Variants in MCTP1 observed in about 807,000 individuals in gnomAD.
The protein encoded by MCTP1 is multiple C2 and transmembrane domain-containing protein 1.
A neutral mutation model predicts 120.6 loss-of-function variants in MCTP1; 69 were observed. The ratio of observed to expected loss-of-function variants is 0.57; its 90% CI spans 0.47 to 0.70. MCTP1 has a LOEUF of 0.70. MCTP1 is among the 30% of genes least tolerant of loss of function. The pLI is 0.00. For synonymous variants in MCTP1, 529 were observed against 493.1 expected (o/e 1.07, Z -0.96); for missense variants, 1,203 against 1,248.8 (o/e 0.96, Z 0.55).
intron 18 of MCTP1, chr5:94,792,910 A>G (rs1306383545): frequency 6.6e-6 from 1 of 152,238 alleles, no homozygotes; most frequent in Non-Finnish European, 1.5e-5. Context: ...ATCCACTTAA[A>G]CTGGAATTTC....
At chr5:95,043,183 AG>A in intron 1 of MCTP1, among the ~76,000 whole-genome samples, 1 of 152,208 alleles carries the variant, frequency 6.6e-6, no homozygotes, top group Non-Finnish European at 1.5e-5. Context: ...TCTTCCACAG[AG>A]GGTCACATTT....
chr5:95,208,834 A>G (rs1467960018), intron 1 of MCTP1, among the ~76,000 whole-genome samples: 1 of 152,182 alleles, frequency 6.6e-6, no homozygotes, highest in Non-Finnish European at 1.5e-5. Flanking sequence ...AAAGTCACCA[A>G]TGATCCATTA....
At chr5:95,125,143 C>T (rs1031596777) in intron 1 of MCTP1, among the ~76,000 whole-genome samples, 1 of 152,148 alleles carries the variant, frequency 6.6e-6, no homozygotes, top group Non-Finnish European at 1.5e-5. Flanking sequence ...GGGAGTAATA[C>T]CCATCAATTA....
chr5:94,854,634 G>C (rs1470493379), intron 17 of MCTP1, among the ~76,000 whole-genome samples: 1 of 151,724 alleles, frequency 6.6e-6, no homozygotes, highest in Non-Finnish European at 1.5e-5. Flanking sequence ...TGAGGGATGA[G>C]TTTCTCCAAT....
chr5:94,878,077 T>C (rs1400930653), intron 12 of MCTP1, among the ~76,000 whole-genome samples: 1 of 152,164 alleles, frequency 6.6e-6, no homozygotes, highest in East Asian at 1.9e-4. Flanking sequence ...TTTCATTTAA[T>C]TTTCTCAGTT....
At chr5:95,035,115 G>A (rs570162678) in intron 1 of MCTP1, among the ~76,000 whole-genome samples, 11 of 152,182 alleles carry the variant, frequency 7.2e-5, no homozygotes, top group Middle Eastern at 3.4e-3. Flanking sequence ...CTCATACACT[G>A]TTGGTGGGAA....
At chr5:95,026,220 A>T (rs1201141028) in intron 1 of MCTP1, among the ~76,000 whole-genome samples, 2 of 152,200 alleles carry the variant, frequency 1.3e-5, no homozygotes. Flanking sequence ...TTTGATACAG[A>T]CATGCAATGC....
intron 2 of MCTP1, among the ~76,000 whole-genome samples, chr5:94,964,448 A>G (rs1242200104): frequency 6.6e-6 from 1 of 152,108 alleles, no homozygotes; most frequent in Non-Finnish European, 1.5e-5. Context: ...AGAGTAGGGC[A>G]TTGAAGTCCC....
intron 1 of MCTP1, among the ~76,000 whole-genome samples, chr5:95,054,765 G>A (rs1419405680): frequency 6.6e-6 from 1 of 151,618 alleles, no homozygotes; most frequent in Non-Finnish European, 1.5e-5. Context: ...GACAAAAAGG[G>A]AAAAATATGA....
At chr5:95,121,093 G>T (rs540638708) in intron 1 of MCTP1, among the ~76,000 whole-genome samples, 2 of 151,588 alleles carry the variant, frequency 1.3e-5, no homozygotes, top group African/African-American at 2.4e-5. Context: ...CCTGGCTAAC[G>T]CAGTGAAACC....
In MCTP1 at chr5:95,125,352, C is replaced by A. The variant is rs551136483; in HGVS notation, c.721-107868G>T. On this transcript the variant is annotated intron_variant, in intron 1 of 22. Transcript: ENST00000515393. ...ATTATCTATTATAATGAGGACAGAG[C>A]AACAATATAATCACAATCTAATGTC... 3.6e-4 allele frequency among the ~76,000 whole-genome samples: 55 copies of A among 152,266 alleles called. No homozygotes were observed. In the South Asian group the frequency reaches 0.011, roughly 32 times the overall value.
intron 1 of MCTP1, among the ~76,000 whole-genome samples, chr5:95,021,949 C>A (rs2153676316): frequency 6.6e-6 from 1 of 152,146 alleles, no homozygotes; most frequent in South Asian, 2.1e-4. Flanking sequence ...AAAAGCACTG[C>A]TGAATTTTAT....
chr5:94,838,345 A>G lies in MCTP1; in HGVS notation c.2436+29988T>C, dbSNP rs1248698967. Among the ~76,000 whole-genome samples the G allele has an allele frequency of 2.6e-5, 4 of 152,362 alleles. No homozygotes were observed. In the East Asian group the frequency reaches 5.8e-4, roughly 22 times the overall value. On this transcript the variant is annotated intron_variant, in intron 17 of 22. Coordinates refer to ENST00000515393, the MANE Select transcript of MCTP1 (RefSeq NM_024717.7). Reference sequence around the variant, plus strand: ...GCTCTGCTTCATAGTGAATTGATACATAAGAGTTACTTGAAGTCAATTTAA... The same window carrying G: ...GCTCTGCTTCATAGTGAATTGATACGTAAGAGTTACTTGAAGTCAATTTAA...
chr5:94,819,896 A>G (rs1285579788), intron 17 of MCTP1, among the ~76,000 whole-genome samples: 2 of 152,222 alleles, frequency 1.3e-5, no homozygotes, highest in Non-Finnish European at 2.9e-5. Context: ...GATAAGTTGC[A>G]CGAAGTCCTC....
intron 19 of MCTP1, among the ~76,000 whole-genome samples, chr5:94,751,344 T>G (rs182646236): frequency 1.1e-4 from 16 of 151,662 alleles, no homozygotes; most frequent in Non-Finnish European, 1.6e-4. Context: ...AATCACAGTT[T>G]AATTTCCTTC....
intron 1 of MCTP1, among the ~76,000 whole-genome samples, chr5:95,074,750 C>T (rs73140031): frequency 0.077 from 11,646 of 152,064 alleles, 1,502 homozygotes; most frequent in African/African-American, 0.27. Context: ...ATATGTCCTT[C>T]CAAAAAATAT....
intron 17 of MCTP1, among the ~76,000 whole-genome samples, chr5:94,822,303 T>C (rs1230941810): frequency 6.6e-6 from 1 of 152,172 alleles, no homozygotes; most frequent in South Asian, 2.1e-4. Flanking sequence ...AGTGAGAACA[T>C]GCGGTGTTTG....
intron 1 of MCTP1, among the ~76,000 whole-genome samples, chr5:95,081,217 A>C (rs1754848821): frequency 6.6e-6 from 1 of 152,234 alleles, no homozygotes; most frequent in African/African-American, 2.4e-5. Flanking sequence ...TTTTCATAAA[A>C]AATGATCATA....
intron 1 of MCTP1, among the ~76,000 whole-genome samples, chr5:95,039,309 G>C (rs1333057336): frequency 6.6e-6 from 1 of 152,294 alleles, no homozygotes; most frequent in South Asian, 2.1e-4. Flanking sequence ...CTGGACAGTT[G>C]TTGGAAGTGG....
Sources: gnomAD v4.1 joint callset for allele counts (sites outside exome capture counted in the v4.1 genomes callset) on GRCh38, gnomAD v4.1.1 for gene constraint, MANE v1.5 for transcripts, NCBI Gene and HGNC (gene_info 2026-07-23, HGNC 2026-07-21) for gene names.